ZSWIM5: variants seen among roughly 807,000 people sequenced by gnomAD.
ZSWIM5 encodes the protein zinc finger SWIM domain-containing protein 5.
A neutral mutation model predicts 119.6 loss-of-function variants in ZSWIM5; 55 were observed. That is an observed-to-expected ratio of 0.46 (90% CI 0.37 to 0.58). The LOEUF is 0.58. Ranked by LOEUF, ZSWIM5 falls within the 20% of genes least tolerant of loss-of-function variation. The probability of loss-of-function intolerance (pLI) is 0.00; values close to 1 mark genes in which losing one functional copy is unlikely to be tolerated. For synonymous variants in ZSWIM5, 537 were observed against 606.9 expected (o/e 0.88, Z 1.69); for missense variants, 1,193 against 1,512.8 (o/e 0.79, Z 3.51).
chr1:45,038,839 A>G (rs1041751988), intron 8 of ZSWIM5, 97 bp downstream of exon 8: 2 of 1,470,196 alleles, frequency 1.4e-6, no homozygotes, highest in African/African-American at 2.8e-5. Context: ...CAAGTAATCC[A>G]CCCACCTTGG....
At chr1:45,086,797 T>A (rs930236521) in intron 2 of ZSWIM5, among the ~76,000 whole-genome samples, 1 of 151,262 alleles carries the variant, frequency 6.6e-6, no homozygotes, top group African/African-American at 2.4e-5. Flanking sequence ...ATAAAAAAAA[T>A]AATAAAGTCC....
chr1:45,111,943 C>A (rs1387889418), intron 1 of ZSWIM5, among the ~76,000 whole-genome samples: 1 of 152,174 alleles, frequency 6.6e-6, no homozygotes, highest in South Asian at 2.1e-4. Context: ...TTCTGCCTAA[C>A]ATAATGATTG....
At chr1:45,107,686 A>G (rs1438129079) in intron 1 of ZSWIM5, among the ~76,000 whole-genome samples, 1 of 151,956 alleles carries the variant, frequency 6.6e-6, no homozygotes, top group East Asian at 1.9e-4. Context: ...TTTTCCCCCA[A>G]CAACTCTGTG....
intron 2 of ZSWIM5, among the ~76,000 whole-genome samples, chr1:45,062,119 T>C (rs1449816843): frequency 6.6e-6 from 1 of 152,132 alleles, no homozygotes; most frequent in African/African-American, 2.4e-5. Context: ...ACATTATTAT[T>C]AACTGTGGTC....
At chr1:45,069,174 C>G (rs936412710) in intron 2 of ZSWIM5, among the ~76,000 whole-genome samples, 2 of 151,994 alleles carry the variant, frequency 1.3e-5, no homozygotes, top group African/African-American at 4.8e-5. Context: ...TGCCTGTAAT[C>G]CCAGCACTTT....
intron 1 of ZSWIM5, among the ~76,000 whole-genome samples, chr1:45,165,925 C>A: frequency 6.6e-6 from 1 of 152,032 alleles, no homozygotes; most frequent in Non-Finnish European, 1.5e-5. Context: ...TGAAACTATT[C>A]CAATCAATAG....
chr1:45,167,021 C>G (rs1645909447), intron 1 of ZSWIM5, among the ~76,000 whole-genome samples: 1 of 152,220 alleles, frequency 6.6e-6, no homozygotes, highest in Middle Eastern at 3.4e-3. Flanking sequence ...CCAAGTCAAT[C>G]CTAAGCCAAA....
intron 2 of ZSWIM5, among the ~76,000 whole-genome samples, chr1:45,073,883 T>C (rs1255450747): frequency 1.3e-5 from 2 of 151,950 alleles, no homozygotes; most frequent in African/African-American, 4.9e-5. Context: ...CATATATGTC[T>C]TTTATTATGT....
chr1:45,122,358 T>C (rs1379637170), intron 1 of ZSWIM5, among the ~76,000 whole-genome samples: 2 of 152,232 alleles, frequency 1.3e-5, no homozygotes, highest in Non-Finnish European at 2.9e-5. Flanking sequence ...CTCAGACTAG[T>C]GCTAAACATA....
chr1:45,170,059 G>A (rs1311476470), intron 1 of ZSWIM5, among the ~76,000 whole-genome samples: 1 of 151,996 alleles, frequency 6.6e-6, no homozygotes, highest in Non-Finnish European at 1.5e-5. Context: ...AAAAGTTGCA[G>A]AATAATGCCT....
chr1:45,106,858 G>C (rs2149021039), intron 1 of ZSWIM5, among the ~76,000 whole-genome samples: 1 of 152,334 alleles, frequency 6.6e-6, no homozygotes, highest in Non-Finnish European at 1.5e-5. Context: ...ACTCCATTTT[G>C]TTCTGTACTA....
chr1:45,115,468 G>A (rs1477690920), intron 1 of ZSWIM5, among the ~76,000 whole-genome samples: 115 of 150,036 alleles, frequency 7.7e-4, no homozygotes, highest in African/African-American at 2.7e-3. Context: ...CGGGGTGGCG[G>A]TCGGGCAGAG....
chr1:45,029,890 A>G (rs1163620775), intron 11 of ZSWIM5, among the ~76,000 whole-genome samples: 1 of 152,172 alleles, frequency 6.6e-6, no homozygotes, highest in African/African-American at 2.4e-5. Context: ...ATGTACAACT[A>G]TCTGTTTGAG....
At chr1:45,173,672 A>T (rs1161169525) in intron 1 of ZSWIM5, among the ~76,000 whole-genome samples, 1 of 152,148 alleles carries the variant, frequency 6.6e-6, no homozygotes, top group Non-Finnish European at 1.5e-5. Flanking sequence ...TAAAATTGGG[A>T]TAATAATAGT....
intron 1 of ZSWIM5, among the ~76,000 whole-genome samples, chr1:45,166,268 C>T (rs1645902428): frequency 6.6e-6 from 1 of 152,014 alleles, no homozygotes; most frequent in African/African-American, 2.4e-5. Context: ...ACTTCAACAG[C>T]CCTTCATGCT....
chr1:45,156,149 C>T (rs1645825412), intron 1 of ZSWIM5, among the ~76,000 whole-genome samples: 1 of 152,034 alleles, frequency 6.6e-6, no homozygotes, highest in Non-Finnish European at 1.5e-5. Context: ...ATCATGGATG[C>T]ACCTGGAGAC....
In ZSWIM5 at chr1:45,040,464, T is replaced by G; in HGVS notation, c.1684A>C (p.Thr562Pro). The G allele has an allele frequency of 6.2e-7, 1 of 1,612,516 alleles. No individual in the cohort carries two copies. The highest frequency in any genetic ancestry group is 8.5e-7 in the Non-Finnish European group (1 of 1,179,338). Residue 562 changes from threonine (T) to proline (P), a missense_variant, in exon 7 of 14, where the codon ACA (threonine) becomes CCA (proline). Physicochemically the swap from Thr to Pro is conservative, Grantham distance 38. This residue lies in a region of ZSWIM5 where 961 missense variants were observed against 1,290.0 expected (regional missense o/e 0.74). Coordinates refer to ENST00000359600, the MANE Select transcript of ZSWIM5 (RefSeq NM_020883.2). Reference protein sequence around the residue: ...HGYPKEALRLTVAIINTLRLQ... With the variant: ...HGYPKEALRLPVAIINTLRLQ... ...CTCAGAGTATTAATAATGGCCACTG[T>G]GAGTCTGAGGGCCTCTTTTGGATAA...
rs867265474 is a variant in ZSWIM5 at position 45,022,028 on chromosome 1, A to C, written c.2450-1240T>G. On this transcript the variant is annotated intron_variant, in intron 11 of 13. Transcript: ENST00000359600. ...CACAGTGAGACTCCGTCTCAAAAAA[A>C]AAAAAATAAATAAGAGTTCAATAAC... Among the ~76,000 whole-genome samples, 295 of 151,702 alleles carry C rather than the reference A, an allele frequency of 1.9e-3. 3 individuals carry two copies. Among genetic ancestry groups the C allele is most frequent in the African/African-American group, 6.6e-3 (275 of 41,410 alleles).
At chr1:45,126,546 A>C (rs577964794) in intron 1 of ZSWIM5, among the ~76,000 whole-genome samples, 1 of 152,330 alleles carries the variant, frequency 6.6e-6, no homozygotes, top group Admixed American at 6.5e-5. Flanking sequence ...CCATAATCTC[A>C]AAACTCCCAA....
Sources: gnomAD v4.1 joint callset for allele counts (sites outside exome capture counted in the v4.1 genomes callset) on GRCh38, gnomAD v4.1.1 for gene constraint, gnomAD v4.1.1 regional missense constraint, MANE v1.5 for transcripts, NCBI Gene and HGNC (gene_info 2026-07-23, HGNC 2026-07-21) for gene names.